LOC400499: variants seen among roughly 807,000 people sequenced by gnomAD.
the LOC400499 span, among the ~76,000 whole-genome samples, chr16:11,482,988 A>G: frequency 6.6e-6 from 1 of 152,222 alleles, no homozygotes; most frequent in East Asian, 1.9e-4. Context: ...AGCCAACAAA[A>G]TAAGATGAGC....
At chr16:11,402,558 T>A in the LOC400499 span, among the ~76,000 whole-genome samples, 8 of 152,284 alleles carry the variant, frequency 5.3e-5, no homozygotes, top group African/African-American at 1.9e-4. Flanking sequence ...TCCAGCCACA[T>A]GAGAACAAAC....
chr16:11,418,691 C>T, the LOC400499 span, among the ~76,000 whole-genome samples: 1 of 152,226 alleles, frequency 6.6e-6, no homozygotes, highest in African/African-American at 2.4e-5. Flanking sequence ...GTAACATGTT[C>T]ACATCCCATT....
At chr16:11,391,686 T>TG in the LOC400499 span, 1 of 1,232,200 alleles carries the variant, frequency 8.1e-7, no homozygotes, top group Non-Finnish European at 1.0e-6. Flanking sequence ...CTCCCGCAGC[T>TG]GCTCCAGCCC....
the LOC400499 span, among the ~76,000 whole-genome samples, chr16:11,502,557 T>C: frequency 6.6e-6 from 1 of 152,108 alleles, no homozygotes; most frequent in East Asian, 1.9e-4. Context: ...TTCTAATGAG[T>C]CTTAGCATAT....
At chr16:11,511,873 A>T in the LOC400499 span, among the ~76,000 whole-genome samples, 1 of 152,172 alleles carries the variant, frequency 6.6e-6, no homozygotes. Context: ...CAAAAAATTT[A>T]AAAAATAGCC....
At chr16:11,475,281 T>C in the LOC400499 span, among the ~76,000 whole-genome samples, 1 of 152,230 alleles carries the variant, frequency 6.6e-6, no homozygotes, top group Non-Finnish European at 1.5e-5. Context: ...TACACCTATG[T>C]AACAAACCTG....
the LOC400499 span, among the ~76,000 whole-genome samples, chr16:11,443,218 G>C: frequency 6.6e-6 from 1 of 151,258 alleles, no homozygotes; most frequent in African/African-American, 2.4e-5. Flanking sequence ...CAGCTACTCG[G>C]GAGGCTGAGG....
chr16:11,498,245 C>T, the LOC400499 span, among the ~76,000 whole-genome samples: 1 of 152,192 alleles, frequency 6.6e-6, no homozygotes, highest in Non-Finnish European at 1.5e-5. Flanking sequence ...CTTTGGGAGG[C>T]CGAAGCAGGC....
At chr16:11,412,681 C>T in the LOC400499 span, among the ~76,000 whole-genome samples, 1 of 152,218 alleles carries the variant, frequency 6.6e-6, no homozygotes, top group Non-Finnish European at 1.5e-5. Context: ...AGCTGTGTGA[C>T]CTTGGAAAAG....
chr16:11,392,303 C>T, the LOC400499 span: 1 of 399,060 alleles, frequency 2.5e-6, no homozygotes, highest in Non-Finnish European at 4.4e-6. Flanking sequence ...GTGTCCCAGC[C>T]CAGGCCCTCT....
chr16:11,473,892 G>C, the LOC400499 span, among the ~76,000 whole-genome samples: 1 of 152,176 alleles, frequency 6.6e-6, no homozygotes, highest in Non-Finnish European at 1.5e-5. Flanking sequence ...ATCCTCCTTG[G>C]TCACCCCGGC....
the LOC400499 span, among the ~76,000 whole-genome samples, chr16:11,438,607 C>CAAAA: frequency 0.013 from 779 of 59,812 alleles, 35 homozygotes; most frequent in African/African-American, 0.052. Flanking sequence ...CCTGTCTCTG[C>CAAAA]AAAAAAAAAA....
the LOC400499 span, among the ~76,000 whole-genome samples, chr16:11,419,530 C>G: frequency 6.6e-6 from 1 of 152,144 alleles, no homozygotes. Context: ...CCATTCAGGA[C>G]ATAGGTATGG....
the LOC400499 span, chr16:11,502,276 G>A: frequency 2.5e-6 from 1 of 397,194 alleles, no homozygotes; most frequent in African/African-American, 2.1e-5. Flanking sequence ...CAACCGTGGG[G>A]AAAGTGGGAA....
At chr16:11,404,737 A>G in the LOC400499 span, 1 of 399,014 alleles carries the variant, frequency 2.5e-6, no homozygotes, top group Non-Finnish European at 4.4e-6. Context: ...GGCTTGGGGA[A>G]AGGCCCAGAA....
At chr16:11,479,847 A>G in the LOC400499 span, among the ~76,000 whole-genome samples, 13 of 152,094 alleles carry the variant, frequency 8.5e-5, no homozygotes, top group Admixed American at 7.2e-4. Context: ...CCGAGATCCA[A>G]TCAAGCAAAC....
the LOC400499 span, chr16:11,435,979 T>G: frequency 5.0e-6 from 2 of 397,878 alleles, no homozygotes; most frequent in Admixed American, 4.4e-5. Flanking sequence ...CCACTCCAAC[T>G]TTGAGCACTC....
At chr16:11,391,896 G>A in the LOC400499 span, 1 of 1,123,392 alleles carries the variant, frequency 8.9e-7, no homozygotes, top group South Asian at 4.5e-5. Flanking sequence ...TCAGGGTGAG[G>A]TCCAGGGCAG....
chr16:11,386,990 G>C, the LOC400499 span: 1 of 703,572 alleles, frequency 1.4e-6, no homozygotes, highest in African/African-American at 1.8e-5. Flanking sequence ...ATAGGACCTT[G>C]GGAAGTCCAG....
Sources: gnomAD v4.1 joint callset for allele counts (sites outside exome capture counted in the v4.1 genomes callset) on GRCh38, gnomAD v4.1.1 for gene constraint, MANE v1.5 for transcripts.